IL20RA: variants seen among roughly 807,000 people sequenced by gnomAD.
The protein encoded by IL20RA is interleukin-20 receptor subunit alpha.
A neutral mutation model predicts 36.5 loss-of-function variants in IL20RA; 29 were observed. That is an observed-to-expected ratio of 0.79 (90% CI 0.59 to 1.08). The LOEUF (loss-of-function observed/expected upper bound fraction) is 1.08, where lower values mean the gene tolerates loss of function less well. Ranked by LOEUF, IL20RA falls within the 50% of genes least tolerant of loss-of-function variation. The pLI is 0.00. For synonymous variants in IL20RA, 279 were observed against 267.1 expected, an observed-to-expected ratio of 1.04 and a Z score of -0.43; for missense variants, 652 against 668.4, an observed-to-expected ratio of 0.98 and a Z score of 0.27.
Position 137,038,258 on chromosome 6 carries a change from G to C in IL20RA, c.88+6383C>G, listed in dbSNP as rs1280272091. ...GAGACAGAGTCTTGCTCTGTTGCCC[G>C]GGCTGGAGTTGCAGTGGTGCGATCA... On this transcript the variant is annotated intron_variant, in intron 1 of 6. Transcript: ENST00000316649. 3 of 113,302 alleles carry C rather than the reference G, an allele frequency of 2.6e-5. No individual in the cohort carries two copies. The East Asian group carries it at 8.4e-4, about 32-fold the overall frequency. The allele number at this position is 113,302 out of a possible 1,614,324, so 7.0% of individuals were successfully genotyped here.
chr6:137,044,833 T>G lies in IL20RA; in HGVS notation c.-105A>C. The stretch of plus-strand genomic sequence containing the variant: ...GGCCTCAGCTCCGCGCCTGGGGCTC[T>G]GCGTGCCACGCTCCAGGCGACCTGA... On this transcript the variant is annotated 5_prime_UTR_variant, in exon 1 of 7. Transcript: ENST00000316649. 14 of 1,050,942 alleles carry G rather than the reference T, an allele frequency of 1.3e-5. No individual in the cohort carries two copies. Among genetic ancestry groups the G allele is most frequent in the Non-Finnish European group, 1.7e-5 (14 of 834,356 alleles). The allele number at this position is 1,050,942 out of a possible 1,614,324, so 65.1% of individuals were successfully genotyped here.
chr6:137,010,307 A>G (rs1460757049), intron 3 of IL20RA, among the ~76,000 whole-genome samples: 1 of 152,238 alleles, frequency 6.6e-6, no homozygotes, highest in Non-Finnish European at 1.5e-5. Context: ...TTGCGAAAGC[A>G]ATCTAAGGTA....
At chr6:137,042,500 TA>T (rs1776732238) in intron 1 of IL20RA, among the ~76,000 whole-genome samples, 1 of 152,226 alleles carries the variant, frequency 6.6e-6, no homozygotes, top group Non-Finnish European at 1.5e-5. Context: ...CGGAGTTTGA[TA>T]AGCCATAAGG....
At chr6:137,022,435 A>C (rs1562237026) in intron 1 of IL20RA, among the ~76,000 whole-genome samples, 1 of 152,210 alleles carries the variant, frequency 6.6e-6, no homozygotes, top group Non-Finnish European at 1.5e-5. Context: ...AAATTTATAG[A>C]TATGGACACA....
Position 137,001,476 on chromosome 6 carries a change from A to G in IL20RA, c.*82T>C. The G allele has an allele frequency of 7.6e-7, 1 of 1,319,180 alleles. No individual in the cohort carries two copies. The highest frequency in any genetic ancestry group is 1.0e-6 in the Non-Finnish European group (1 of 965,168). 81.7% of individuals were successfully genotyped at this position (1,319,180 alleles called of 1,614,324 possible). The stretch of plus-strand genomic sequence containing the variant: ...TGACAAACTGGAAAAAACTTCTTTC[A>G]TCCCAGGTACTTTATGGCTGGGATC... On this transcript the variant is annotated 3_prime_UTR_variant, in exon 7 of 7. Coordinates refer to ENST00000316649, the MANE Select transcript of IL20RA (RefSeq NM_014432.4).
chr6:137,037,804 G>A (rs996001714), intron 1 of IL20RA: 1 of 152,264 alleles, frequency 6.6e-6, no homozygotes, highest in Non-Finnish European at 1.5e-5. Context: ...AAGACACAGA[G>A]GAAATGTGAT....
intron 1 of IL20RA, among the ~76,000 whole-genome samples, chr6:137,041,220 G>C (rs1776680817): frequency 6.6e-6 from 1 of 152,216 alleles, no homozygotes; most frequent in African/African-American, 2.4e-5. Flanking sequence ...AGTTGGAGAA[G>C]ACTAAGGGGA....
At chr6:137,022,544 C>T (rs868187970) in intron 1 of IL20RA, among the ~76,000 whole-genome samples, 22 of 152,198 alleles carry the variant, frequency 1.4e-4, no homozygotes, top group African/African-American at 4.8e-4. Flanking sequence ...CAGTTCGACA[C>T]TCATCTGATT....
At chr6:137,013,084 A>C (rs931695213) in intron 2 of IL20RA, among the ~76,000 whole-genome samples, 1 of 152,208 alleles carries the variant, frequency 6.6e-6, no homozygotes, top group Non-Finnish European at 1.5e-5. Flanking sequence ...GTACAAGAAA[A>C]TATTTAAACT....
At chr6:137,018,503 C>A (rs1461840017) in intron 1 of IL20RA, among the ~76,000 whole-genome samples, 2 of 126,938 alleles carry the variant, frequency 1.6e-5, no homozygotes, top group African/African-American at 6.0e-5. Flanking sequence ...CAATTGACCA[C>A]TGCCGTGTGC....
intron 1 of IL20RA, among the ~76,000 whole-genome samples, chr6:137,030,234 C>T (rs1776232603): frequency 6.6e-6 from 1 of 151,702 alleles, no homozygotes; most frequent in African/African-American, 2.4e-5. Context: ...ATGCATGCCA[C>T]CATGACTGGC....
At chr6:137,019,240 C>A (rs1028572892) in intron 1 of IL20RA, among the ~76,000 whole-genome samples, 1 of 152,044 alleles carries the variant, frequency 6.6e-6, no homozygotes, top group Admixed American at 6.5e-5. Flanking sequence ...GATTCTCTTG[C>A]CTCAGCCTCC....
chr6:137,002,030 G>A lies in IL20RA; in HGVS notation c.1190C>T (p.Thr397Ile). 6.2e-7 allele frequency: 1 copy of A among 1,614,190 alleles called. No homozygotes were observed. Among genetic ancestry groups the A allele is most frequent in the South Asian group, 1.1e-5 (1 of 91,084 alleles). ...GACATCATATTCATATTCAATGACT[G>A]TTTTATCCGGGGGTATTGTTCTGCT... is the stretch of plus-strand genomic sequence containing the variant. The part of the protein sequence containing the change: ...SLSRTIPPDK[T>I]VIEYEYDVRT... The change falls in exon 7 of 7, where the codon ACA becomes ATA. Residue 397 changes from threonine (T) to isoleucine (I), a missense_variant. Transcript: ENST00000316649.
At chr6:137,040,218 G>A (rs778400607) in intron 1 of IL20RA, among the ~76,000 whole-genome samples, 1 of 152,252 alleles carries the variant, frequency 6.6e-6, no homozygotes, top group African/African-American at 2.4e-5. Flanking sequence ...AAACTTGATT[G>A]TTAGGTTGAA....
At chr6:137,041,470 C>T (rs1182179995) in intron 1 of IL20RA, among the ~76,000 whole-genome samples, 1 of 152,068 alleles carries the variant, frequency 6.6e-6, no homozygotes, top group Non-Finnish European at 1.5e-5. Flanking sequence ...CTGCAAGTCC[C>T]AAATTAGTTC....
chr6:137,042,308 T>TAGA (rs370138769), intron 1 of IL20RA, among the ~76,000 whole-genome samples: 62 of 152,256 alleles, frequency 4.1e-4, no homozygotes, highest in African/African-American at 1.4e-3. Flanking sequence ...CAGGATCTTG[T>TAGA]AGAACTGAGA....
chr6:137,021,937 A>G (rs561074195), intron 1 of IL20RA, among the ~76,000 whole-genome samples: 19 of 152,182 alleles, frequency 1.2e-4, no homozygotes, highest in Non-Finnish European at 2.1e-4. Context: ...TCTATTATAC[A>G]GATGAGGAAA....
intron 1 of IL20RA, among the ~76,000 whole-genome samples, chr6:137,028,459 C>T (rs1291890373): frequency 3.3e-5 from 5 of 151,032 alleles, no homozygotes; most frequent in East Asian, 1.9e-4. Context: ...GCCCTGCTCT[C>T]GTGGAGGAGA....
chr6:137,030,391 T>G (rs568498503), intron 1 of IL20RA, among the ~76,000 whole-genome samples: 1 of 152,086 alleles, frequency 6.6e-6, no homozygotes, highest in East Asian at 1.9e-4. Context: ...CGGCCACCAG[T>G]TTTCAATGCA....
Sources: allele counts gnomAD v4.1 joint callset (sites outside exome capture counted in the v4.1 genomes callset), GRCh38; gene constraint gnomAD v4.1.1; transcripts MANE v1.5; gene names NCBI Gene and HGNC (gene_info 2026-07-23, HGNC 2026-07-21).